STAG2: variants seen among roughly 807,000 people sequenced by gnomAD.
The protein encoded by STAG2 is STAG2 cohesin complex component.
In STAG2, 14 loss-of-function variants were observed where a neutral mutation model predicts 108.1. The ratio of observed to expected loss-of-function variants is 0.13; its 90% CI spans 0.09 to 0.20. STAG2 has a LOEUF of 0.20. Among genes scored for constraint, STAG2 ranks in the 10% least tolerant of loss-of-function variants. STAG2 has a pLI of 1.00. For synonymous variants in STAG2, 307 were observed against 302.7 expected (o/e 1.01, Z -0.15); for missense variants, 440 against 940.9 (o/e 0.47, Z 6.96).
intron 1 of STAG2, among the ~76,000 whole-genome samples, chrX:123,985,683 C>G (rs1026365570): frequency 2.7e-5 from 3 of 109,383 alleles, no homozygotes; most frequent in East Asian, 2.9e-4. Context: ...TAATCCACCC[C>G]CTTCAGCCTC....
rs953478349 is a variant in STAG2 at position 124,101,274 on chromosome X, C to T, written c.*677C>T. 6.6e-4 allele frequency: 100 copies of T among 151,190 alleles called. No homozygotes were observed. The highest frequency in any genetic ancestry group is 3.0e-3 in the African/African-American group (99 of 32,544). The allele number at this position is 151,190 out of a possible 1,213,427, so 12.5% of individuals were successfully genotyped here. On this transcript the variant is annotated 3_prime_UTR_variant, in exon 35 of 35. Coordinates refer to ENST00000371145, the MANE Select transcript of STAG2 (RefSeq NM_001042750.2). The stretch of plus-strand genomic sequence containing the variant: ...AGTGAACTGCCAGAAGGTAACCAGT[C>T]TCAAACATGCTTATCCCATTATCAA...
chrX:124,093,246 A>G (rs1235214019), intron 32 of STAG2, among the ~76,000 whole-genome samples: 1 of 111,335 alleles, frequency 9.0e-6, no homozygotes, highest in Non-Finnish European at 1.9e-5. Context: ...AATATGTCTT[A>G]GTTTTGAGTT....
In STAG2 at chrX:124,033,847, C is replaced by T. The variant is rs766970011; in HGVS notation, c.288+2722C>T. 9.8e-5 allele frequency among the ~76,000 whole-genome samples: 11 copies of T among 112,176 alleles called. No individual in the cohort carries two copies. The East Asian group carries it at 2.5e-3, about 26-fold the overall frequency. ...TTATTTCTTACAGTTTTGCAGGCTG[C>T]GAAGTTCAATATTAGGTGCCTACAG... On this transcript the variant is annotated intron_variant, in intron 5 of 34. Coordinates refer to ENST00000371145, the MANE Select transcript of STAG2 (RefSeq NM_001042750.2).
chrX:124,050,944 AT>A (rs1234199191), intron 11 of STAG2, among the ~76,000 whole-genome samples, 176 bp from the exon 12 acceptor site: 1 of 111,962 alleles, frequency 8.9e-6, no homozygotes, highest in Non-Finnish European at 1.9e-5. Context: ...TTAGTCATAA[AT>A]GTATGTACTG....
At chrX:124,051,596 CT>C (rs1352584958) in intron 13 of STAG2, among the ~76,000 whole-genome samples, 2 of 103,595 alleles carry the variant, frequency 1.9e-5, no homozygotes, top group Admixed American at 1.0e-4. Flanking sequence ...TTTTTTTTTT[CT>C]TTTTTTTTTC....
chrX:123,976,519 C>T (rs1360743125), intron 1 of STAG2, among the ~76,000 whole-genome samples: 1 of 109,871 alleles, frequency 9.1e-6, no homozygotes, highest in East Asian at 2.8e-4. Flanking sequence ...GAATTGAAAC[C>T]TTCGTTTTTT....
chrX:124,005,046 C>T (rs2056221284), intron 1 of STAG2, among the ~76,000 whole-genome samples: 1 of 112,362 alleles, frequency 8.9e-6, no homozygotes, highest in African/African-American at 3.2e-5. Flanking sequence ...ACATAACCTA[C>T]ACACATCTTC....
intron 5 of STAG2, among the ~76,000 whole-genome samples, chrX:124,035,011 C>T (rs924584769): frequency 1.8e-5 from 2 of 109,605 alleles, no homozygotes; most frequent in African/African-American, 6.7e-5. Context: ...ATTCTCATGC[C>T]TCAGCCTCCC....
intron 1 of STAG2, among the ~76,000 whole-genome samples, chrX:123,985,885 A>G (rs2055151985): frequency 9.1e-6 from 1 of 109,610 alleles, no homozygotes; most frequent in Admixed American, 1.0e-4. Context: ...AGCCTTTCAG[A>G]GGAGCTAAGA....
Position 124,086,588 on chromosome X carries a change from T to C in STAG2, c.3095T>C (p.Leu1032Pro), listed in dbSNP as rs2059114624. ...LEKFMTFQMS[L>P]RREDVWLPLM... is the part of the protein sequence containing the mutation. ...AAGTTCATGACCTTTCAGATGTCAC[T>C]CCGAAGAGAGGATGTGTGGCTTCCA... is the stretch of plus-strand genomic sequence containing the variant. Residue 1032 changes from leucine to proline, a missense_variant, in exon 30 of 35, where the codon CTC becomes CCC. Transcript: ENST00000371145. 8.3e-7 allele frequency: 1 copy of C among 1,210,109 alleles called. No individual in the cohort carries two copies. Among genetic ancestry groups the C allele is most frequent in the African/African-American group, 1.7e-5 (1 of 57,256 alleles).
chrX:124,028,824 T>TATATATATATA (rs1569507053), intron 4 of STAG2, among the ~76,000 whole-genome samples: 2 of 65,709 alleles, frequency 3.0e-5, no homozygotes, highest in African/African-American at 1.2e-4. Context: ...ATATATATAT[T>TATATATATATA]TTTTTTTTTA....
intron 15 of STAG2, among the ~76,000 whole-genome samples, chrX:124,058,779 A>G (rs1016371635): frequency 8.9e-6 from 1 of 112,226 alleles, no homozygotes; most frequent in African/African-American, 3.2e-5. Context: ...AATGTTAGCC[A>G]GATTTTGAGA....
At chrX:124,014,718 A>G (rs1170136023) in intron 1 of STAG2, among the ~76,000 whole-genome samples, 1 of 110,933 alleles carries the variant, frequency 9.0e-6, no homozygotes, top group Middle Eastern at 4.7e-3. Context: ...TTAGTTAGGA[A>G]ATATAGACAG....
At chrX:124,066,143 ATTTTTTTTTT>A (rs748906058) in intron 21 of STAG2, 22 bp from the exon 22 acceptor site, 41 of 590,430 alleles carry the variant, frequency 6.9e-5, no homozygotes, top group African/African-American at 7.7e-5. Context: ...ATAAAACTTA[ATTTTTTTTTT>A]TTTTTTTTTT....
intron 1 of STAG2, chrX:123,963,223 T>C (rs2053948754): frequency 9.0e-6 from 1 of 111,641 alleles, no homozygotes. Flanking sequence ...GTTACTGTCC[T>C]CGCAGCACTT....
Position 124,057,873 on chromosome X carries a change from A to G in STAG2, c.1312A>G (p.Ser438Gly). 2 of 1,146,998 alleles carry G rather than the reference A, an allele frequency of 1.7e-6. No homozygotes were observed. Among genetic ancestry groups the G allele is most frequent in the Admixed American group, 2.8e-5 (1 of 35,922 alleles). 94.5% of individuals were successfully genotyped at this position (1,146,998 alleles called of 1,213,427 possible). ...ATTTTACTTTTTTCACAGGCTCTTC[A>G]GTCGTAGAGATCCAGAGGAGGATGG... The part of the protein sequence containing the change: ...AGEFLYKKLF[S>G]RRDPEEDGMM... The change falls in exon 15 of 35, where the codon AGT becomes GGT. Residue 438 changes from serine to glycine, a missense_variant. Around this residue, in one of 3 missense-constraint regions of STAG2, gnomAD observed 337 missense variants for 649.3 expected, o/e 0.52. Transcript: ENST00000371145.
rs2059514532 is a variant in STAG2, at chrX:124,102,052, A to G, written c.*1455A>G. Reference sequence around the variant, plus strand: ...ATATCTTCAGATGGGTGAATACCAAAAGGCTTTCAGTTTTTAGTCAGAAAT... The same window carrying G: ...ATATCTTCAGATGGGTGAATACCAAGAGGCTTTCAGTTTTTAGTCAGAAAT... On this transcript the variant is annotated 3_prime_UTR_variant, in exon 35 of 35. Transcript: ENST00000371145. The G allele has an allele frequency of 6.2e-6, 1 of 160,154 alleles. No homozygotes were observed. Among genetic ancestry groups the G allele is most frequent in the African/African-American group, 3.0e-5 (1 of 33,250 alleles). The allele number at this position is 160,154 out of a possible 1,213,427, so 13.2% of individuals were successfully genotyped here.
intron 25 of STAG2, among the ~76,000 whole-genome samples, chrX:124,074,880 G>A (rs77832278): frequency 0.03 from 3,340 of 111,899 alleles, 52 homozygotes; most frequent in Non-Finnish European, 0.045. Context: ...GTCTGTATGC[G>A]ATTGGAAACA....
rs755331834 is a variant in STAG2 at position 123,963,391 on chromosome X, A to T, written c.-163+1535A>T. Reference sequence around the variant, plus strand: ...GAAGTGGATGCATTTGTTTAATGACATATAATTCAGGTAGTTTAGGCTTGC... The same window carrying T: ...GAAGTGGATGCATTTGTTTAATGACTTATAATTCAGGTAGTTTAGGCTTGC... On this transcript the variant is annotated intron_variant, in intron 1 of 34. Coordinates refer to ENST00000371145, the MANE Select transcript of STAG2 (RefSeq NM_001042750.2). The T allele has an allele frequency of 2.7e-5, 3 of 111,845 alleles. No individual in the cohort carries two copies. The East Asian group carries it at 8.4e-4, about 31-fold the overall frequency. 9.2% of individuals were successfully genotyped at this position (111,845 alleles called of 1,213,427 possible).
Sources: allele counts gnomAD v4.1 joint callset (sites outside exome capture counted in the v4.1 genomes callset), GRCh38; gene constraint gnomAD v4.1.1; regional missense constraint gnomAD v4.1.1; transcripts MANE v1.5; gene names NCBI Gene and HGNC (gene_info 2026-07-23, HGNC 2026-07-21).